The following HDAC9 variants were observed in gnomAD, a reference collection of about 807,000 sequenced individuals.
HDAC9 encodes MEF-2 interacting transcription repressor (MITR) protein.
A neutral mutation model predicts 139.4 loss-of-function variants in HDAC9; 41 were observed. The observed-to-expected ratio is 0.29, with a 90% CI of 0.23 to 0.38. The LOEUF (loss-of-function observed/expected upper bound fraction) is 0.38, where lower values mean the gene tolerates loss of function less well. Among genes scored for constraint, HDAC9 ranks in the 10% least tolerant of loss-of-function variants. The pLI is 1.00. For missense variants in HDAC9, 1,147 were observed against 1,297.0 expected (o/e 0.88, Z 1.78); for synonymous variants, 517 against 476.2 (o/e 1.09, Z -1.12).
chr7:18,864,181 A>G (rs781425647), intron 21 of HDAC9, among the ~76,000 whole-genome samples: 9 of 152,334 alleles, frequency 5.9e-5, no homozygotes, highest in Middle Eastern at 3.4e-3. Flanking sequence ...TATAGATACA[A>G]TAGAATATTA....
intron 1 of HDAC9, among the ~76,000 whole-genome samples, chr7:18,298,097 C>T (rs1446994729): frequency 6.6e-6 from 1 of 152,082 alleles, no homozygotes; most frequent in Non-Finnish European, 1.5e-5. Flanking sequence ...ATATTCACTC[C>T]CAGATGGCTT....
At chr7:18,639,020 G>A (rs774701758) in intron 8 of HDAC9, among the ~76,000 whole-genome samples, 3 of 151,976 alleles carry the variant, frequency 2.0e-5, no homozygotes, top group Non-Finnish European at 2.9e-5. Context: ...CTATTTTAAC[G>A]GTAGCCAAGC....
intron 1 of HDAC9, among the ~76,000 whole-genome samples, chr7:18,413,924 G>C (rs570220854): frequency 3.9e-5 from 6 of 152,184 alleles, no homozygotes; most frequent in African/African-American, 1.4e-4. Context: ...ACTTTTCCTT[G>C]AATATTGTAT....
chr7:18,215,564 T>C (rs1489869460), intron 2 of HDAC9, among the ~76,000 whole-genome samples: 2 of 152,194 alleles, frequency 1.3e-5, no homozygotes, highest in Admixed American at 1.3e-4. Flanking sequence ...AATGATTTTA[T>C]GTGGCAGTGT....
At chr7:18,430,435 G>C (rs1374810191) in intron 1 of HDAC9, 1 of 152,166 alleles carries the variant, frequency 6.6e-6, no homozygotes, top group African/African-American at 2.4e-5. Context: ...TATTGTCCAG[G>C]CTGGTGTCAA....
chr7:18,443,604 G>A (rs1585943838), intron 1 of HDAC9, among the ~76,000 whole-genome samples: 1 of 152,106 alleles, frequency 6.6e-6, no homozygotes, highest in East Asian at 1.9e-4. Flanking sequence ...ATGAATATTA[G>A]TAAACCCTCA....
chr7:18,737,325 T>C (rs1787016277), intron 13 of HDAC9, among the ~76,000 whole-genome samples: 1 of 152,202 alleles, frequency 6.6e-6, no homozygotes, highest in Non-Finnish European at 1.5e-5. Flanking sequence ...ACTGTGATAT[T>C]AGGGTCTTGA....
intron 14 of HDAC9, among the ~76,000 whole-genome samples, chr7:18,759,572 C>A (rs903882665): frequency 6.6e-6 from 1 of 152,032 alleles, no homozygotes. Flanking sequence ...ATAATTATTT[C>A]ATTACATATT....
At chr7:18,869,147 GGTGTGTGTGTGTGTGTGTGTGTGTGT>G (rs58034239) in intron 21 of HDAC9, among the ~76,000 whole-genome samples, 1 of 138,128 alleles carries the variant, frequency 7.2e-6, no homozygotes, top group African/African-American at 2.8e-5. Flanking sequence ...TCACAATTGG[GGTGTGTGTGTGTGTGTGTGTGTGTGT>G]GTGTGTGTGT....
At chr7:18,721,706 C>A (rs1263289971) in intron 12 of HDAC9, among the ~76,000 whole-genome samples, 1 of 152,116 alleles carries the variant, frequency 6.6e-6, no homozygotes, top group African/African-American at 2.4e-5. Context: ...CATTTGGTCC[C>A]TGTGCGATAG....
intron 13 of HDAC9, among the ~76,000 whole-genome samples, chr7:18,739,203 G>A (rs530908858): frequency 6.6e-6 from 1 of 152,240 alleles, no homozygotes; most frequent in Admixed American, 6.5e-5. Flanking sequence ...AGATGGGTTC[G>A]AACAAGCTCC....
At chr7:18,260,004 A>G (rs1795544488) in intron 2 of HDAC9, among the ~76,000 whole-genome samples, 1 of 152,188 alleles carries the variant, frequency 6.6e-6, no homozygotes, top group Admixed American at 6.5e-5. Context: ...CCACAATAGT[A>G]TGAGCCTTTT....
chr7:18,885,304 T>C (rs10268558), intron 22 of HDAC9, among the ~76,000 whole-genome samples: 5,032 of 152,310 alleles, frequency 0.033, 170 homozygotes, highest in African/African-American at 0.089. Context: ...GGCTGTGTTG[T>C]TGTTATTGAT....
intron 2 of HDAC9, among the ~76,000 whole-genome samples, chr7:18,534,182 G>C (rs1428430097): frequency 1.3e-5 from 2 of 152,196 alleles, no homozygotes; most frequent in African/African-American, 4.8e-5. Context: ...TAGCATAGAG[G>C]GGTTCTGGTA....
chr7:18,785,274 A>G (rs923475497), intron 16 of HDAC9, among the ~76,000 whole-genome samples: 1 of 152,020 alleles, frequency 6.6e-6, no homozygotes, highest in African/African-American at 2.4e-5. Flanking sequence ...AGACAGAATT[A>G]TTTGGACAAA....
chr7:18,449,557 T>C (rs1254017297), intron 1 of HDAC9, among the ~76,000 whole-genome samples: 1 of 152,240 alleles, frequency 6.6e-6, no homozygotes, highest in Non-Finnish European at 1.5e-5. Context: ...TTTACTTATA[T>C]TAATACACTA....
At position 18,823,062 on chromosome 7, in the gene HDAC9, A is replaced by G. The variant is rs561073270; in HGVS notation, c.2323-6099A>G. On this transcript the variant is annotated intron_variant, in intron 17 of 25. Transcript: ENST00000686413. ...AACCCAATAAAAGAAAACACAGGCTATCAAAGAGGGAGAGAGGAAAGCTGT... is the reference window on the plus strand; with the variant it reads ...AACCCAATAAAAGAAAACACAGGCTGTCAAAGAGGGAGAGAGGAAAGCTGT... Among the ~76,000 whole-genome samples the G allele has an allele frequency of 2.0e-5, 3 of 152,338 alleles. No homozygotes were observed. The East Asian group carries it at 5.8e-4, about 29-fold the overall frequency.
At chr7:18,434,256 A>G (rs570631319) in intron 1 of HDAC9, among the ~76,000 whole-genome samples, 2 of 152,362 alleles carry the variant, frequency 1.3e-5, no homozygotes, top group South Asian at 4.1e-4. Context: ...CGTATACGAA[A>G]ATCAAATCAA....
chr7:18,862,813 G>C (rs999270832), intron 21 of HDAC9, among the ~76,000 whole-genome samples: 4 of 152,120 alleles, frequency 2.6e-5, no homozygotes, highest in African/African-American at 9.7e-5. Flanking sequence ...GAAGAATTAT[G>C]AAGACAGAAA....
Sources: allele counts gnomAD v4.1 joint callset (sites outside exome capture counted in the v4.1 genomes callset), GRCh38; gene constraint gnomAD v4.1.1; transcripts MANE v1.5; gene names NCBI Gene and HGNC (gene_info 2026-07-23, HGNC 2026-07-21).